Variants in PTPRD observed in about 807,000 individuals in gnomAD.
PTPRD encodes protein tyrosine phosphatase receptor type D.
In PTPRD, 34 loss-of-function variants were observed where a neutral mutation model predicts 214.5. The observed-to-expected ratio is 0.16, with a 90% confidence interval of 0.12 to 0.21. The LOEUF (loss-of-function observed/expected upper bound fraction) is 0.21. Ranked by LOEUF, PTPRD falls within the 10% of genes least tolerant of loss-of-function variation. The pLI, the probability that PTPRD is intolerant of heterozygous loss-of-function variation, is 1.00. For missense variants in PTPRD, 2,545 were observed against 2,398.7 expected (o/e 1.06, Z -1.27); for synonymous variants, 1,128 against 845.7 (o/e 1.33, Z -5.79).
chr9:9,262,820 C>A (rs1200639506), intron 9 of PTPRD, among the ~76,000 whole-genome samples: 3 of 151,438 alleles, frequency 2.0e-5, no homozygotes, highest in Admixed American at 6.6e-5. Context: ...TAGATAGATA[C>A]CCTTTGGTTT....
intron 8 of PTPRD, among the ~76,000 whole-genome samples, chr9:9,431,547 T>C (rs1363694334): frequency 1.3e-5 from 2 of 152,134 alleles, no homozygotes; most frequent in Non-Finnish European, 2.9e-5. Flanking sequence ...AGCCATCTCA[T>C]TACTGGGCAT....
chr9:9,278,077 G>C (rs531581096), intron 9 of PTPRD, among the ~76,000 whole-genome samples: 10 of 151,390 alleles, frequency 6.6e-5, no homozygotes, highest in African/African-American at 1.9e-4. Context: ...TGCTATTAAA[G>C]GTGGTTGTAT....
intron 12 of PTPRD, among the ~76,000 whole-genome samples, chr9:8,679,655 T>G (rs1019438686): frequency 6.6e-6 from 1 of 152,236 alleles, no homozygotes; most frequent in Non-Finnish European, 1.5e-5. Flanking sequence ...CAACAGATAC[T>G]GAGATTCAGA....
intron 3 of PTPRD, among the ~76,000 whole-genome samples, chr9:10,215,343 G>T (rs1246214186): frequency 6.6e-6 from 1 of 151,914 alleles, no homozygotes; most frequent in African/African-American, 2.4e-5. Context: ...GAATGAATGG[G>T]TTAAACAATA....
At chr9:9,171,695 C>G (rs997244344) in intron 10 of PTPRD, among the ~76,000 whole-genome samples, 6 of 151,838 alleles carry the variant, frequency 4.0e-5, no homozygotes, top group Non-Finnish European at 7.4e-5. Flanking sequence ...AAAAACTACT[C>G]TTCTATAAGT....
At chr9:9,930,287 G>A (rs10978097) in intron 5 of PTPRD, among the ~76,000 whole-genome samples, 39,332 of 152,036 alleles carry the variant, frequency 0.26, 5,806 homozygotes, top group Middle Eastern at 0.46. Context: ...TCGAAGCCAT[G>A]GACATAAGTG....
intron 7 of PTPRD, among the ~76,000 whole-genome samples, chr9:9,706,044 G>T (rs536581854): frequency 6.6e-6 from 1 of 152,184 alleles, no homozygotes; most frequent in African/African-American, 2.4e-5. Flanking sequence ...TTAATCATGA[G>T]GATGAAGTTA....
intron 3 of PTPRD, among the ~76,000 whole-genome samples, chr9:10,130,001 G>C (rs552235607): frequency 6.6e-6 from 1 of 151,534 alleles, no homozygotes; most frequent in Admixed American, 6.6e-5. Flanking sequence ...AAATAATATT[G>C]CTGAAAATTA....
At chr9:8,351,742 T>TA (rs71317359) in intron 39 of PTPRD, among the ~76,000 whole-genome samples, 4,930 of 68,404 alleles carry the variant, frequency 0.072, 783 homozygotes, top group African/African-American at 0.25. Context: ...TGGCAAAGAG[T>TA]AAAAAAAAAA....
chr9:9,268,941 G>C (rs967013942), intron 9 of PTPRD, among the ~76,000 whole-genome samples: 3 of 150,342 alleles, frequency 2.0e-5, no homozygotes, highest in Non-Finnish European at 4.5e-5. Flanking sequence ...CATGACACAG[G>C]TCTGGGCAAC....
rs1034003354 is a variant in PTPRD, at chr9:10,144,922, C to G, written c.-544-111132G>C. On this transcript the variant is annotated intron_variant, in intron 3 of 45. Coordinates refer to ENST00000381196, the MANE Select transcript of PTPRD (RefSeq NM_002839.4). ...ATTAGTATTAAACTACAGCATTGTA[C>G]TATAACTCAACCAACAAGAAAAGTA... Among the ~76,000 whole-genome samples, 11 of 152,054 alleles carry G rather than the reference C, an allele frequency of 7.2e-5. No individual in the cohort carries two copies. In the East Asian group the frequency reaches 1.5e-3, roughly 21 times the overall value.
At chr9:8,927,661 T>A (rs901506980) in intron 11 of PTPRD, among the ~76,000 whole-genome samples, 1 of 152,216 alleles carries the variant, frequency 6.6e-6, no homozygotes, top group African/African-American at 2.4e-5. Context: ...AGTGCTGCAA[T>A]AAACATATGT....
chr9:9,823,273 T>C (rs2051429156), intron 5 of PTPRD, among the ~76,000 whole-genome samples: 2 of 151,864 alleles, frequency 1.3e-5, no homozygotes, highest in Admixed American at 1.3e-4. Flanking sequence ...CTTACAATCA[T>C]GATGGAAGGC....
At chr9:8,491,091 T>C (rs995618003) in intron 27 of PTPRD, among the ~76,000 whole-genome samples, 6 of 152,260 alleles carry the variant, frequency 3.9e-5, no homozygotes, top group Non-Finnish European at 7.3e-5. Context: ...AGCTTCGCTC[T>C]TAAAGGAATT....
At chr9:10,046,706 G>T (rs901716171) in intron 3 of PTPRD, among the ~76,000 whole-genome samples, 20 of 151,922 alleles carry the variant, frequency 1.3e-4, no homozygotes, top group African/African-American at 4.1e-4. Flanking sequence ...TAAGATGGAT[G>T]ATTGCACTCA....
At chr9:9,570,184 G>C (rs566320677) in intron 8 of PTPRD, among the ~76,000 whole-genome samples, 5 of 151,360 alleles carry the variant, frequency 3.3e-5, no homozygotes, top group Non-Finnish European at 5.9e-5. Context: ...TTTTACCCAC[G>C]TCTTTCTAAC....
chr9:8,836,903 G>A (rs1438514990), intron 11 of PTPRD, among the ~76,000 whole-genome samples: 1 of 151,792 alleles, frequency 6.6e-6, no homozygotes, highest in Non-Finnish European at 1.5e-5. Flanking sequence ...TTTAGAACTA[G>A]CTCTCTTCTA....
At chr9:10,603,227 GA>G (rs565107378) in intron 2 of PTPRD, among the ~76,000 whole-genome samples, 1 of 151,732 alleles carries the variant, frequency 6.6e-6, no homozygotes, top group African/African-American at 2.4e-5. Context: ...CCCAAAGGAA[GA>G]AAAAAATACA....
At chr9:10,077,869 T>G (rs1355523614) in intron 3 of PTPRD, among the ~76,000 whole-genome samples, 1 of 152,068 alleles carries the variant, frequency 6.6e-6, no homozygotes, top group African/African-American at 2.4e-5. Flanking sequence ...GGAATCGGCA[T>G]TTTTAAATAG....
Sources: gnomAD v4.1 joint callset for allele counts (sites outside exome capture counted in the v4.1 genomes callset) on GRCh38, gnomAD v4.1.1 for gene constraint, MANE v1.5 for transcripts, NCBI Gene and HGNC (gene_info 2026-07-23, HGNC 2026-07-21) for gene names.